Variants in ZNF738 observed in about 807,000 individuals in gnomAD.
ZNF738 encodes protein ZNF738.
A neutral mutation model predicts 9.2 loss-of-function variants in ZNF738; 10 were observed. That is an observed-to-expected ratio of 1.09 (90% confidence interval 0.67 to 1.85). ZNF738 has a LOEUF of 1.85. Ranked by LOEUF, ZNF738 falls within the 40% of genes most tolerant of loss-of-function variation. The probability of loss-of-function intolerance (pLI) is 0.00; values close to 1 mark genes in which losing one functional copy is unlikely to be tolerated. For missense variants in ZNF738, 346 were observed against 283.6 expected (o/e 1.22, Z -1.58); for synonymous variants, 113 against 94.5 (o/e 1.20, Z -1.14).
intron 2 of ZNF738, among the ~76,000 whole-genome samples, chr19:21,366,799 C>G (rs1430442659): frequency 2.6e-5 from 4 of 152,102 alleles, no homozygotes; most frequent in Non-Finnish European, 4.4e-5. Context: ...TCTCATGGCA[C>G]TGGTGGGAGG....
At position 21,383,079 on chromosome 19, in the gene ZNF738, G is replaced by A. The variant is rs868625871; in HGVS notation, c.533G>A (p.Cys178Tyr). 1.1e-5 allele frequency: 15 copies of A among 1,328,530 alleles called. No individual in the cohort carries two copies. The African/African-American group carries it at 1.9e-4, about 17-fold the overall frequency. 82.3% of individuals were successfully genotyped at this position (1,328,530 alleles called of 1,614,324 possible). A position where few individuals can be genotyped will look rare whatever the true frequency, so the allele number is the denominator to read the frequency against. The change falls in exon 5 of 5, where the codon TGT (cysteine) becomes TAT (tyrosine). Residue 178 changes from cysteine to tyrosine, a missense_variant. Cys to Tyr is a radical substitution (Grantham distance 194, BLOSUM62 -2). Coordinates refer to ENST00000683779, the MANE Select transcript of ZNF738 (RefSeq NM_001355237.2). ...LTTTQSKIFQCDKYVKVFHKF... is the reference protein window; with the variant it reads ...LTTTQSKIFQYDKYVKVFHKF... Reference sequence around the variant, plus strand: ...ACTACCCAGAGCAAAATATTTCAATGTGATAAATATGTGAAAGTCTTTCAT... The same window carrying A: ...ACTACCCAGAGCAAAATATTTCAATATGATAAATATGTGAAAGTCTTTCAT...
intron 1 of ZNF738, 119 bp downstream of exon 1, chr19:21,359,262 TCTC>T (rs2145212815): frequency 1.2e-6 from 1 of 815,858 alleles, no homozygotes; most frequent in East Asian, 2.4e-5. Flanking sequence ...CGCCCCGAGT[TCTC>T]CTTGCCCAGC....
intron 4 of ZNF738, among the ~76,000 whole-genome samples, chr19:21,380,981 G>T (rs1228402581): frequency 1.3e-5 from 2 of 152,130 alleles, no homozygotes; most frequent in Non-Finnish European, 1.5e-5. Context: ...TAAAACAAAG[G>T]ATATAAGAGA....
chr19:21,375,233 T>C lies in ZNF738; in HGVS notation c.97-5T>C. The C allele has an allele frequency of 9.9e-7, 1 of 1,008,276 alleles. No homozygotes were observed. Among genetic ancestry groups the C allele is most frequent in the Non-Finnish European group, 1.5e-6 (1 of 647,958 alleles). 62.5% of individuals were successfully genotyped at this position (1,008,276 alleles called of 1,614,324 possible). A position where few individuals can be genotyped will look rare whatever the true frequency, so the allele number is the denominator to read the frequency against. On this transcript the variant is annotated splice_region_variant and splice_polypyrimidine_tract_variant and intron_variant, in intron 2 of 4. Transcript: ENST00000683779. Reference sequence around the variant, plus strand: ...TAAATATGTGTGTGTGTGTGTGTTTTTCAGGGGCCGTTGACATTTAGGGAT... The same window carrying C: ...TAAATATGTGTGTGTGTGTGTGTTTCTCAGGGGCCGTTGACATTTAGGGAT...
intron 2 of ZNF738, among the ~76,000 whole-genome samples, chr19:21,362,522 AC>A (rs1973714677): frequency 6.6e-6 from 1 of 152,230 alleles, no homozygotes; most frequent in African/African-American, 2.4e-5. Context: ...GAATGGCCTG[AC>A]TTGAAACGTG....
chr19:21,385,202 A>C lies in ZNF738; in HGVS notation c.*1528A>C, dbSNP rs1360578212. On this transcript the variant is annotated 3_prime_UTR_variant, in exon 5 of 5. Transcript: ENST00000683779. ...CTGGGTGCGGTGGCTCATGCCTGTA[A>C]TCCCAGCACTTTGGGAGGCTGAGGC... Among the ~76,000 whole-genome samples, 1 of 152,136 alleles carries C rather than the reference A, an allele frequency of 6.6e-6. No homozygotes were observed. The highest frequency in any genetic ancestry group is 2.4e-5 in the African/African-American group (1 of 41,410).
Position 21,387,879 on chromosome 19 carries a change from G to A in ZNF738, c.*4205G>A, listed in dbSNP as rs1244343599. On this transcript the variant is annotated 3_prime_UTR_variant, in exon 5 of 5. Coordinates refer to ENST00000683779, the MANE Select transcript of ZNF738 (RefSeq NM_001355237.2). ...TTGCTCAAGCTTTGTTCAACATTAG[G>A]GCACTTATATTGGAAAAGTGTCTTG... is the stretch of plus-strand genomic sequence containing the variant. Among the ~76,000 whole-genome samples the A allele has an allele frequency of 6.6e-6, 1 of 152,026 alleles. No individual in the cohort carries two copies.
intron 4 of ZNF738, chr19:21,379,254 A>T (rs1408384870): frequency 6.6e-6 from 1 of 151,628 alleles, no homozygotes; most frequent in Non-Finnish European, 1.5e-5. Context: ...TTGGTACTAC[A>T]TTGCCCTGTT....
chr19:21,383,858 C>T lies in ZNF738; in HGVS notation c.*184C>T. 7.4e-7 allele frequency: 1 copy of T among 1,348,468 alleles called. No individual in the cohort carries two copies. Among genetic ancestry groups the T allele is most frequent in the East Asian group, 2.4e-5 (1 of 42,360 alleles). 83.5% of individuals were successfully genotyped at this position (1,348,468 alleles called of 1,614,324 possible). A position where few individuals can be genotyped will look rare whatever the true frequency, so the allele number is the denominator to read the frequency against. On this transcript the variant is annotated 3_prime_UTR_variant, in exon 5 of 5. Transcript: ENST00000683779. ...GTGGAGAATGTGGCAAAGCTTTCTT[C>T]AGATTCTCATACCTTACTACACATA...
At chr19:21,378,706 TCTC>T (rs80243602) in intron 4 of ZNF738, 73,819 of 368,576 alleles carry the variant, frequency 0.2, 8,254 homozygotes, top group Non-Finnish European at 0.23. Flanking sequence ...TTCAAGCAGT[TCTC>T]CTACCTCAGC....
At chr19:21,363,616 C>T (rs534039036) in intron 2 of ZNF738, among the ~76,000 whole-genome samples, 10 of 152,212 alleles carry the variant, frequency 6.6e-5, no homozygotes, top group South Asian at 6.2e-4. Context: ...GACCCAGGCA[C>T]GGTGGTTCAT....
chr19:21,367,935 C>A (rs2358987), intron 2 of ZNF738, among the ~76,000 whole-genome samples: 5,252 of 152,310 alleles, frequency 0.034, 298 homozygotes, highest in African/African-American at 0.12. Context: ...CAGCAGTAAC[C>A]TGTTTTCTCC....
In ZNF738 at chr19:21,375,859, A is replaced by C. The variant is rs763950492; in HGVS notation, c.224-10A>C. 1.3e-6 allele frequency: 1 copy of C among 779,318 alleles called. No homozygotes were observed. Among genetic ancestry groups the C allele is most frequent in the Non-Finnish European group, 2.4e-6 (1 of 420,738 alleles). The allele number at this position is 779,318 out of a possible 1,614,324, so 48.3% of individuals were successfully genotyped here. ...AGCAAGATTCATGTTATTTATTTTT[A>C]ATAAATCAGGTATTGATGTCTCTAA... On this transcript the variant is annotated splice_polypyrimidine_tract_variant and intron_variant, in intron 3 of 4. Coordinates refer to ENST00000683779, the MANE Select transcript of ZNF738 (RefSeq NM_001355237.2).
chr19:21,372,777 G>A (rs1375204271), intron 2 of ZNF738: 1 of 152,150 alleles, frequency 6.6e-6, no homozygotes, highest in African/African-American at 2.4e-5. Context: ...TCCCAGCACA[G>A]TGCTCTGCAA....
Position 21,384,095 on chromosome 19 carries a change from T to C in ZNF738, c.*421T>C. 6.4e-7 allele frequency: 1 copy of C among 1,555,606 alleles called. No homozygotes were observed. The highest frequency in any genetic ancestry group is 8.8e-7 in the Non-Finnish European group (1 of 1,130,842). On this transcript the variant is annotated 3_prime_UTR_variant, in exon 5 of 5. Transcript: ENST00000683779. ...AGAAACCCTACAAATGTGAAGAATG[T>C]GGCAAAGCTTTCTACCGATTATCTT...
chr19:21,385,086 C>A lies in ZNF738; in HGVS notation c.*1412C>A, dbSNP rs1478211870. Among the ~76,000 whole-genome samples, 1 of 152,058 alleles carries A rather than the reference C, an allele frequency of 6.6e-6. No individual in the cohort carries two copies. Among genetic ancestry groups the A allele is most frequent in the African/African-American group, 2.4e-5 (1 of 41,402 alleles). Reference sequence around the variant, plus strand: ...AAGAGTTTGACTGGGTGCGGTGGCTCATGCCTGTAATCCCAGCACTTTGGG... The same window carrying A: ...AAGAGTTTGACTGGGTGCGGTGGCTAATGCCTGTAATCCCAGCACTTTGGG... On this transcript the variant is annotated 3_prime_UTR_variant, in exon 5 of 5. Coordinates refer to ENST00000683779, the MANE Select transcript of ZNF738 (RefSeq NM_001355237.2).
At position 21,384,096 on chromosome 19, in the gene ZNF738, GGC is replaced by G. The variant is rs1974038796; in HGVS notation, c.*423_*424del. On this transcript the variant is annotated 3_prime_UTR_variant, in exon 5 of 5. Coordinates refer to ENST00000683779, the MANE Select transcript of ZNF738 (RefSeq NM_001355237.2). ...GAAACCCTACAAATGTGAAGAATGT[GGC>G]AAAGCTTTCTACCGATTATCTTATC... is the stretch of plus-strand genomic sequence containing the variant. 1 of 1,555,620 alleles carries G rather than the reference GGC, an allele frequency of 6.4e-7. No homozygotes were observed. The highest frequency in any genetic ancestry group is 2.3e-5 in the East Asian group (1 of 44,338).
At position 21,374,147 on chromosome 19, in the gene ZNF738, T is replaced by C. The variant is rs572628564; in HGVS notation, c.97-1091T>C. On this transcript the variant is annotated intron_variant, in intron 2 of 4. Coordinates refer to ENST00000683779, the MANE Select transcript of ZNF738 (RefSeq NM_001355237.2). ...GTCCTTAGTAAGGATGGAGAACATG[T>C]AATGTTGAGGTTTCATATGTGTTCT... 3.3e-5 allele frequency among the ~76,000 whole-genome samples: 5 copies of C among 152,324 alleles called. No individual in the cohort carries two copies. In the South Asian group the frequency reaches 1.0e-3, roughly 32 times the overall value.
chr19:21,376,687 G>C (rs1973932916), intron 4 of ZNF738, among the ~76,000 whole-genome samples: 1 of 152,020 alleles, frequency 6.6e-6, no homozygotes, highest in South Asian at 2.1e-4. Context: ...TGAGACTACA[G>C]GCATGCACCA....
Sources: gnomAD v4.1 joint callset for allele counts (sites outside exome capture counted in the v4.1 genomes callset) on GRCh38, gnomAD v4.1.1 for gene constraint, MANE v1.5 for transcripts, NCBI Gene and HGNC (gene_info 2026-07-23, HGNC 2026-07-21) for gene names.